Variants in CDH13 observed in about 807,000 individuals in gnomAD.
CDH13 encodes cadherin-13.
Under a neutral mutation model 63.8 loss-of-function variants are expected in CDH13, and 24 were observed. The ratio of observed to expected loss-of-function variants is 0.38; its 90% CI spans 0.27 to 0.53. CDH13 has a LOEUF of 0.53. Ranked by LOEUF, CDH13 falls within the 20% of genes least tolerant of loss-of-function variation. The pLI, the probability that CDH13 is intolerant of heterozygous loss-of-function variation, is 0.85. For missense variants in CDH13, 1,049 were observed against 903.1 expected (o/e 1.16, Z -2.07); for synonymous variants, 503 against 355.3 (o/e 1.42, Z -4.67).
At chr16:83,527,912 A>G (rs936484051) in intron 7 of CDH13, among the ~76,000 whole-genome samples, 1 of 152,224 alleles carries the variant, frequency 6.6e-6, no homozygotes, top group East Asian at 1.9e-4. Flanking sequence ...TTAAGTACCA[A>G]CAAAACTTCA....
chr16:83,415,290 A>G (rs899765456), intron 6 of CDH13, among the ~76,000 whole-genome samples: 1 of 152,152 alleles, frequency 6.6e-6, no homozygotes, highest in Non-Finnish European at 1.5e-5. Flanking sequence ...GGTAACCACA[A>G]ATTCTCAACA....
At chr16:83,196,479 G>C (rs1469911805) in intron 4 of CDH13, among the ~76,000 whole-genome samples, 1 of 152,062 alleles carries the variant, frequency 6.6e-6, no homozygotes, top group African/African-American at 2.4e-5. Flanking sequence ...GAAAAATCCT[G>C]TTAAGAGAAT....
chr16:83,602,083 AAAAAAAAAAAAAAAGAACAACAAC>A (rs1567797420), intron 7 of CDH13, among the ~76,000 whole-genome samples: 74 of 2,692 alleles, frequency 0.027, 5 homozygotes, highest in Non-Finnish European at 0.065. Context: ...ACTCTGTCTC[AAAAAAAAAAAAAAAGAACAACAAC>A]AAAAAAAAAA....
chr16:82,911,326 A>G (rs1488166969), intron 2 of CDH13, among the ~76,000 whole-genome samples: 3 of 152,218 alleles, frequency 2.0e-5, no homozygotes, highest in Non-Finnish European at 2.9e-5. Flanking sequence ...TCAGCTGAGT[A>G]TAACCACTTG....
At chr16:83,249,561 C>T (rs552577775) in intron 5 of CDH13, among the ~76,000 whole-genome samples, 1 of 152,216 alleles carries the variant, frequency 6.6e-6, no homozygotes, top group Non-Finnish European at 1.5e-5. Context: ...TGCCATCATT[C>T]TATCTGTTTT....
At position 83,783,347 on chromosome 16, in the gene CDH13, C is replaced by T. The variant is rs182038690; in HGVS notation, c.2009C>T (p.Thr670Met). Residue 670 changes from threonine (T) to methionine (M), a missense_variant, in exon 13 of 14, where the codon ACG becomes ATG. Transcript: ENST00000567109. ...MVTDSGKPPM[T>M]NITDLRVQVC... ...ACAGATTCAGGGAAACCACCCATGA[C>T]GAATATCACAGATCTCAGGGTACAA... The T allele has an allele frequency of 4.8e-5, 77 of 1,613,878 alleles. No homozygotes were observed. In the Admixed American group the frequency reaches 6.8e-4, roughly 14 times the overall value.
intron 5 of CDH13, among the ~76,000 whole-genome samples, chr16:83,309,910 A>G (rs1412566516): frequency 6.6e-6 from 1 of 152,124 alleles, no homozygotes; most frequent in Non-Finnish European, 1.5e-5. Flanking sequence ...TGGCAGAATA[A>G]TCCTGGGTGA....
At chr16:82,698,305 G>A (rs1446323413) in intron 1 of CDH13, among the ~76,000 whole-genome samples, 2 of 152,202 alleles carry the variant, frequency 1.3e-5, no homozygotes, top group African/African-American at 4.8e-5. Flanking sequence ...GGTTGGGATT[G>A]CTTGCTTTTA....
rs76708744 is a variant in CDH13, at chr16:83,298,636, T to C, written c.637-46226T>C. ...TTAGAGGTAACAAGTATAGGCTAAT[T>C]TGATTTCCTTAGAAAACCTTCAAAA... On this transcript the variant is annotated intron_variant, in intron 5 of 13. Coordinates refer to ENST00000567109, the MANE Select transcript of CDH13 (RefSeq NM_001257.5). Among the ~76,000 whole-genome samples, 591 of 152,326 alleles carry C rather than the reference T, an allele frequency of 3.9e-3. 4 individuals are homozygous for C. The highest frequency in any genetic ancestry group is 0.01 in the African/African-American group (433 of 41,570).
intron 8 of CDH13, among the ~76,000 whole-genome samples, chr16:83,604,195 C>T (rs1335413361): frequency 6.6e-6 from 1 of 152,102 alleles, no homozygotes; most frequent in Non-Finnish European, 1.5e-5. Context: ...CCCCTTTCTC[C>T]CTGTGGTGTC....
chr16:83,399,579 A>T (rs905937162), intron 6 of CDH13, among the ~76,000 whole-genome samples: 15 of 152,016 alleles, frequency 9.9e-5, no homozygotes, highest in Non-Finnish European at 2.2e-4. Flanking sequence ...ATCCTCTTGG[A>T]TCTCAGTGGA....
At chr16:83,559,158 T>C (rs4238696) in intron 7 of CDH13, among the ~76,000 whole-genome samples, 115,895 of 152,142 alleles carry the variant, frequency 0.76, 44,085 homozygotes, top group Middle Eastern at 0.84. Context: ...GACTGTATTC[T>C]GAAAAGTTAA....
chr16:83,511,827 C>A (rs151001502), intron 7 of CDH13, among the ~76,000 whole-genome samples: 6 of 152,106 alleles, frequency 3.9e-5, no homozygotes, highest in Non-Finnish European at 7.4e-5. Context: ...GCCCGACACC[C>A]ATAGCACATA....
At chr16:83,678,485 C>A in intron 10 of CDH13, 24 bp downstream of exon 10, 1 of 1,613,184 alleles carries the variant, frequency 6.2e-7, no homozygotes, top group Non-Finnish European at 8.5e-7. Context: ...TCCGGAACCA[C>A]AGACGGGAGG....
intron 2 of CDH13, among the ~76,000 whole-genome samples, chr16:82,962,015 G>A (rs1907089900): frequency 6.6e-6 from 1 of 151,938 alleles, no homozygotes; most frequent in African/African-American, 2.4e-5. Context: ...TAAATCCATG[G>A]TAAAATAACA....
intron 1 of CDH13, among the ~76,000 whole-genome samples, chr16:82,839,238 C>T (rs528668899): frequency 2.4e-4 from 36 of 152,204 alleles, no homozygotes; most frequent in African/African-American, 6.5e-4. Context: ...TCCATGTGGC[C>T]GCGTCTTTTG....
chr16:82,906,295 T>C (rs970470364), intron 2 of CDH13, among the ~76,000 whole-genome samples: 1 of 152,174 alleles, frequency 6.6e-6, no homozygotes, highest in African/African-American at 2.4e-5. Flanking sequence ...CAGACCTCCA[T>C]GGTGGCCATG....
chr16:83,654,325 C>G (rs955162572), intron 8 of CDH13, among the ~76,000 whole-genome samples: 1 of 152,056 alleles, frequency 6.6e-6, no homozygotes, highest in Non-Finnish European at 1.5e-5. Flanking sequence ...TGCACCCTCA[C>G]GTGGTGGGGT....
At chr16:82,815,806 G>A (rs896645006) in intron 1 of CDH13, among the ~76,000 whole-genome samples, 2 of 152,022 alleles carry the variant, frequency 1.3e-5, no homozygotes, top group Admixed American at 6.5e-5. Context: ...AATAATTTGA[G>A]GTTTGTTCAA....
Sources: allele counts gnomAD v4.1 joint callset (sites outside exome capture counted in the v4.1 genomes callset), GRCh38; gene constraint gnomAD v4.1.1; transcripts MANE v1.5; gene names NCBI Gene and HGNC (gene_info 2026-07-23, HGNC 2026-07-21).